Variants in DNM3 observed in about 807,000 individuals in gnomAD.
DNM3 encodes the protein dynamin 3.
Under a neutral mutation model 101.6 loss-of-function variants are expected in DNM3, and 47 were observed. The observed-to-expected ratio is 0.46, with a 90% CI of 0.37 to 0.59. The LOEUF is 0.59. DNM3 is among the 20% of genes least tolerant of loss of function. The pLI, the probability that DNM3 is intolerant of heterozygous loss-of-function variation, is 0.00. For synonymous variants in DNM3, 385 were observed against 387.9 expected (o/e 0.99, Z 0.09); for missense variants, 849 against 1,085.7 (o/e 0.78, Z 3.06).
At chr1:171,972,941 A>G (rs1299930412) in intron 2 of DNM3, among the ~76,000 whole-genome samples, 1 of 152,224 alleles carries the variant, frequency 6.6e-6, no homozygotes, top group Non-Finnish European at 1.5e-5. Flanking sequence ...TTCTCTCTCA[A>G]TACCCTGAAG....
rs371154105 is a variant in DNM3 at position 172,032,495 on chromosome 1, G to T, written c.683G>T (p.Arg228Leu). Residue 228 changes from arginine to leucine, a missense_variant, in exon 5 of 21, where the codon CGC (arginine) becomes CTC (leucine). Arg to Leu is a moderately radical substitution (Grantham distance 102). Coordinates refer to ENST00000627582, the MANE Select transcript of DNM3 (RefSeq NM_015569.5). The stretch of plus-strand genomic sequence containing the variant: ...CTAGAGAACAAACTGTTGCCTCTTC[G>T]CAGGGGTAATGTACTGTGGTCTATA... ...DVLENKLLPL[R>L]RGYVGVVNRS... The T allele has an allele frequency of 3.2e-6, 5 of 1,562,204 alleles. No homozygotes were observed. Among genetic ancestry groups the T allele is most frequent in the Non-Finnish European group, 4.4e-6 (5 of 1,137,896 alleles).
chr1:172,082,046 T>C, intron 12 of DNM3, 144 bp downstream of exon 12: 1 of 818,622 alleles, frequency 1.2e-6, no homozygotes, highest in Non-Finnish European at 1.9e-6. Flanking sequence ...TTAGGAAGTC[T>C]GAGCTCCATG....
At position 172,038,937 on chromosome 1, in the gene DNM3, T is replaced by A. The variant is rs370053191; in HGVS notation, c.992+476T>A. Among the ~76,000 whole-genome samples, 109 of 47,346 alleles carry A rather than the reference T, an allele frequency of 2.3e-3. No individual in the cohort carries two copies. The African/African-American group carries it at 0.047, about 20-fold the overall frequency. The allele number at this position is 47,346 out of a possible 152,430, so 31.1% of individuals were successfully genotyped here. A position where few individuals can be genotyped will look rare whatever the true frequency, so the allele number is the denominator to read the frequency against. ...AAAAGTTCTAACAATAAGGCTGTAG[T>A]TTTTTTTTTTCCTTTTACATAATGA... is the stretch of plus-strand genomic sequence containing the variant. On this transcript the variant is annotated intron_variant, in intron 7 of 20. Coordinates refer to ENST00000627582, the MANE Select transcript of DNM3 (RefSeq NM_015569.5).
At chr1:172,390,453 CT>C (rs1355687185) in intron 20 of DNM3, among the ~76,000 whole-genome samples, 1 of 152,148 alleles carries the variant, frequency 6.6e-6, no homozygotes, top group Non-Finnish European at 1.5e-5. Context: ...CTCATCAGTA[CT>C]GACGTTTTTG....
At chr1:172,392,552 A>T (rs949276569) in intron 20 of DNM3, among the ~76,000 whole-genome samples, 4 of 152,224 alleles carry the variant, frequency 2.6e-5, no homozygotes, top group Admixed American at 6.5e-5. Flanking sequence ...CTATTTTCAG[A>T]TATAGCTTCT....
intron 14 of DNM3, among the ~76,000 whole-genome samples, chr1:172,195,427 CTTAT>C (rs1161469700): frequency 7.9e-5 from 12 of 151,900 alleles, no homozygotes; most frequent in African/African-American, 2.9e-4. Flanking sequence ...CTTTTCTTGA[CTTAT>C]GGCATCAGCT....
chr1:172,367,601 C>A (rs771180323), intron 17 of DNM3, among the ~76,000 whole-genome samples: 1 of 151,794 alleles, frequency 6.6e-6, no homozygotes, highest in South Asian at 2.1e-4. Context: ...CAATAATAAC[C>A]TTGAATATGA....
intron 13 of DNM3, among the ~76,000 whole-genome samples, chr1:172,126,652 T>G (rs1347217846): frequency 6.6e-6 from 1 of 152,140 alleles, no homozygotes; most frequent in Non-Finnish European, 1.5e-5. Context: ...ATCAGGCAAT[T>G]TATTTAGCAT....
At chr1:171,952,493 G>C (rs2042592640) in intron 2 of DNM3, among the ~76,000 whole-genome samples, 1 of 151,934 alleles carries the variant, frequency 6.6e-6, no homozygotes, top group African/African-American at 2.4e-5. Context: ...AGAGGGAGGG[G>C]GTGTAACAAG....
intron 11 of DNM3, among the ~76,000 whole-genome samples, chr1:172,080,716 C>T (rs1023941938): frequency 2.0e-5 from 3 of 152,102 alleles, no homozygotes; most frequent in African/African-American, 7.2e-5. Context: ...GCCCAAACAG[C>T]CCCCCAGTTT....
At chr1:172,024,554 G>A (rs1214484524) in intron 4 of DNM3, among the ~76,000 whole-genome samples, 1 of 152,226 alleles carries the variant, frequency 6.6e-6, no homozygotes, top group Admixed American at 6.5e-5. Flanking sequence ...AGCTGCCAGT[G>A]AGATCAACGC....
At chr1:172,035,878 A>G (rs1308040997) in intron 6 of DNM3, among the ~76,000 whole-genome samples, 1 of 152,162 alleles carries the variant, frequency 6.6e-6, no homozygotes, top group East Asian at 1.9e-4. Context: ...ACTATTGACA[A>G]ATAACTCTAG....
intron 14 of DNM3, among the ~76,000 whole-genome samples, chr1:172,177,254 G>T (rs989876899): frequency 2.0e-5 from 3 of 151,728 alleles, no homozygotes; most frequent in African/African-American, 7.3e-5. Context: ...TGTTGTACAA[G>T]AATAGAGAGA....
At chr1:172,337,148 C>T (rs1458724562) in intron 17 of DNM3, among the ~76,000 whole-genome samples, 1 of 152,138 alleles carries the variant, frequency 6.6e-6, no homozygotes, top group African/African-American at 2.4e-5. Context: ...CCAAGCTTAC[C>T]ATTTACCAAG....
intron 4 of DNM3, among the ~76,000 whole-genome samples, chr1:171,995,417 G>GTT (rs531496359): frequency 3.4e-5 from 5 of 145,630 alleles, no homozygotes; most frequent in African/African-American, 5.0e-5. Flanking sequence ...AAATCCAGGT[G>GTT]TTTTTTTTTT....
chr1:171,987,964 A>G (rs1229236812), intron 3 of DNM3, among the ~76,000 whole-genome samples, 159 bp downstream of exon 3: 1 of 152,214 alleles, frequency 6.6e-6, no homozygotes, highest in Non-Finnish European at 1.5e-5. Context: ...CTCTTAAGAC[A>G]TTTAAGGAGA....
At chr1:171,924,176 T>A (rs2040385741) in intron 2 of DNM3, among the ~76,000 whole-genome samples, 2 of 152,186 alleles carry the variant, frequency 1.3e-5, no homozygotes, top group African/African-American at 4.8e-5. Flanking sequence ...AATAATTTCT[T>A]TTCCTTTGGG....
chr1:171,941,847 TA>T (rs1193083069), intron 2 of DNM3, among the ~76,000 whole-genome samples: 27 of 152,338 alleles, frequency 1.8e-4, no homozygotes, highest in African/African-American at 5.8e-4. Context: ...CAGTAACTTG[TA>T]ATATGTATAT....
In DNM3 at chr1:171,853,766, T is replaced by A. The variant is rs569346710; in HGVS notation, c.161+11949T>A. Among the ~76,000 whole-genome samples the A allele has an allele frequency of 7.0e-4, 107 of 152,294 alleles. 1 individual carries two copies. Among genetic ancestry groups the A allele is most frequent in the Non-Finnish European group, 1.1e-3 (78 of 68,010 alleles). On this transcript the variant is annotated intron_variant, in intron 1 of 20. Coordinates refer to ENST00000627582, the MANE Select transcript of DNM3 (RefSeq NM_015569.5). ...CCCTCTCACTCTCTCCATTTCTTAT[T>A]CATCTATTCCATGTAAATATTGCTG...
Sources: gnomAD v4.1 joint callset for allele counts (sites outside exome capture counted in the v4.1 genomes callset) on GRCh38, gnomAD v4.1.1 for gene constraint, MANE v1.5 for transcripts, NCBI Gene and HGNC (gene_info 2026-07-23, HGNC 2026-07-21) for gene names.